S100A13: variants seen among roughly 807,000 people sequenced by gnomAD.
The protein encoded by S100A13 is protein S100-A13.
In S100A13, 6 loss-of-function variants were observed where a neutral mutation model predicts 8.2. That is an observed-to-expected ratio of 0.73 (90% CI 0.40 to 1.44). The LOEUF is 1.44. Among genes scored for constraint, S100A13 ranks in the 40% most tolerant of loss-of-function variants. S100A13 has a pLI of 0.02. For synonymous variants in S100A13, 39 were observed against 45.9 expected (o/e 0.85, Z 0.61); for missense variants, 114 against 113.6 (o/e 1.00, Z -0.02).
At chr1:153,630,439 G>A (rs1267223272), upstream of S100A13, 1 of 1,567,632 alleles carries the variant, frequency 6.4e-7, no homozygotes, top group African/African-American at 1.4e-5. Flanking sequence ...AGTCCTGAGG[G>A]TTCCCCTCAC....
chr1:153,631,978 G>T, upstream of S100A13: 1 of 933,370 alleles, frequency 1.1e-6, no homozygotes, highest in Non-Finnish European at 1.5e-6. Context: ...CACCAAGGGC[G>T]CAAGAGTAGC....
chr1:153,620,756 C>T (rs943223761), intron 2 of S100A13, among the ~76,000 whole-genome samples: 14 of 152,018 alleles, frequency 9.2e-5, no homozygotes, highest in African/African-American at 3.4e-4. Context: ...TATGCAAGTA[C>T]TATCTGATTT....
chr1:153,630,205 C>T, upstream of S100A13: 2 of 450,934 alleles, frequency 4.4e-6, no homozygotes, highest in Non-Finnish European at 7.8e-6. Context: ...CCTGGGCAGC[C>T]ACTGCAGACA....
rs749592486 is a variant in S100A13 at position 153,626,452 on chromosome 1, T to G, written c.21A>C (p.Thr7=). MAAEPL[T]ELEESIETVV... ...CGGTCTCAATGGACTCCTCTAGCTC[T>G]GTCAGTGGTTCTGCTGCCATTAGGA... Residue 7 remains threonine, a synonymous_variant, in exon 2 of 3, where the codon ACA becomes ACC. Coordinates refer to ENST00000476133, the MANE Select transcript of S100A13 (RefSeq NM_001024211.2). 4.3e-6 allele frequency: 7 copies of G among 1,614,120 alleles called. No homozygotes were observed. Among genetic ancestry groups the G allele is most frequent in the Non-Finnish European group, 5.1e-6 (6 of 1,179,952 alleles).
upstream of S100A13, chr1:153,628,172 T>C: frequency 6.5e-7 from 1 of 1,550,342 alleles, no homozygotes; most frequent in Non-Finnish European, 8.7e-7. Flanking sequence ...CAGCTTGGGG[T>C]AAGACATCCA....
chr1:153,623,821 A>G (rs754303016), intron 2 of S100A13, among the ~76,000 whole-genome samples: 3 of 152,208 alleles, frequency 2.0e-5, no homozygotes, highest in Non-Finnish European at 4.4e-5. Flanking sequence ...CAAGTCAACA[A>G]AGCTATGCAT....
upstream of S100A13, chr1:153,627,597 T>C: frequency 6.4e-6 from 1 of 157,300 alleles, no homozygotes; most frequent in South Asian, 1.8e-4. Flanking sequence ...CCGTGGTCGA[T>C]TCTGAAGACC....
chr1:153,621,607 G>A lies in S100A13; in HGVS notation c.154-2569C>T, dbSNP rs143667373. 1.9e-3 allele frequency among the ~76,000 whole-genome samples: 291 copies of A among 150,786 alleles called. 5 individuals are homozygous for A. The East Asian group carries it at 0.05, about 26-fold the overall frequency. ...GGCCAACGTGATGAAACCCCATCTC[G>A]GGCAACCCGCTCGGGTCTCTCACAC... is the stretch of plus-strand genomic sequence containing the variant. On this transcript the variant is annotated intron_variant, in intron 2 of 2. Coordinates refer to ENST00000476133, the MANE Select transcript of S100A13 (RefSeq NM_001024211.2).
chr1:153,625,076 A>G (rs1271348248), intron 2 of S100A13, among the ~76,000 whole-genome samples: 1 of 152,104 alleles, frequency 6.6e-6, no homozygotes, highest in African/African-American at 2.4e-5. Flanking sequence ...CTCTGTCACA[A>G]AAAAAGAAAA....
chr1:153,618,820 T>C lies in S100A13; in HGVS notation c.*75A>G, dbSNP rs1187141101. On this transcript the variant is annotated 3_prime_UTR_variant, in exon 3 of 3. Transcript: ENST00000476133. ...AACATTTGTGTTTCAAGGAGGAAGC[T>C]TTATTTGGGAAGAGTGCGGTTCTGC... The C allele has an allele frequency of 2.1e-6, 3 of 1,402,344 alleles. No homozygotes were observed. The highest frequency in any genetic ancestry group is 2.9e-6 in the Non-Finnish European group (3 of 1,018,738). 86.9% of individuals were successfully genotyped at this position (1,402,344 alleles called of 1,614,324 possible). A position where few individuals can be genotyped will look rare whatever the true frequency, so the allele number is the denominator to read the frequency against.
chr1:153,623,230 C>T (rs1466811039), intron 2 of S100A13, among the ~76,000 whole-genome samples: 2 of 152,092 alleles, frequency 1.3e-5, no homozygotes, highest in South Asian at 2.1e-4. Context: ...CTGTCGGTCA[C>T]CCAGACTGGA....
At chr1:153,632,148 G>T, upstream of S100A13, 1 of 307,492 alleles carries the variant, frequency 3.3e-6, no homozygotes, top group Non-Finnish European at 6.0e-6. Context: ...AGGTCAAGGT[G>T]CATTACATCT....
At chr1:153,628,316 CCT>C, upstream of S100A13, 1 of 1,515,890 alleles carries the variant, frequency 6.6e-7, no homozygotes. Context: ...ACAGAGGGCG[CCT>C]CTGTCTGCTC....
At chr1:153,619,109 G>T in intron 2 of S100A13, 71 bp from the exon 3 acceptor site, 1 of 1,378,680 alleles carries the variant, frequency 7.3e-7, no homozygotes, top group Non-Finnish European at 1.0e-6. Flanking sequence ...GGGAAGAACT[G>T]TCAGCTGCTA....
At chr1:153,624,925 A>C (rs1667510636) in intron 2 of S100A13, among the ~76,000 whole-genome samples, 1 of 152,146 alleles carries the variant, frequency 6.6e-6, no homozygotes, top group South Asian at 2.1e-4. Flanking sequence ...AAATACAAAA[A>C]TTATCCAGGC....
chr1:153,630,374 G>A, upstream of S100A13: 1 of 1,107,934 alleles, frequency 9.0e-7, no homozygotes, highest in Non-Finnish European at 1.3e-6. Flanking sequence ...CTCAGGGAAA[G>A]ATCAATTGCA....
chr1:153,630,866 A>C (rs1667973070), upstream of S100A13: 2 of 605,800 alleles, frequency 3.3e-6, no homozygotes, highest in East Asian at 2.8e-5. Context: ...TCACCTGTTA[A>C]GTGTTAGGCC....
At chr1:153,626,267 C>A in intron 2 of S100A13, 53 bp downstream of exon 2, 1 of 1,552,218 alleles carries the variant, frequency 6.4e-7, no homozygotes, top group Non-Finnish European at 8.9e-7. Context: ...GTCCTAAACA[C>A]AGTGTCCCAT....
chr1:153,625,182 G>C (rs1049289449), intron 2 of S100A13, among the ~76,000 whole-genome samples: 1 of 152,194 alleles, frequency 6.6e-6, no homozygotes, highest in African/African-American at 2.4e-5. Flanking sequence ...AGGATGCAAT[G>C]AGCTGTGATC....
Sources: gnomAD v4.1 joint callset for allele counts (sites outside exome capture counted in the v4.1 genomes callset) on GRCh38, gnomAD v4.1.1 for gene constraint, MANE v1.5 for transcripts, NCBI Gene and HGNC (gene_info 2026-07-23, HGNC 2026-07-21) for gene names.